The following GTF2I variants were observed in gnomAD, a reference collection of about 807,000 sequenced individuals.
GTF2I encodes the protein general transcription factor II-I.
A neutral mutation model predicts 67.6 loss-of-function variants in GTF2I; 12 were observed. The observed-to-expected ratio is 0.18, with a 90% CI of 0.11 to 0.29. The LOEUF (loss-of-function observed/expected upper bound fraction) is 0.29. Ranked by LOEUF, GTF2I falls within the 10% of genes least tolerant of loss-of-function variation. The pLI, the probability that GTF2I is intolerant of heterozygous loss-of-function variation, is 1.00. For synonymous variants in GTF2I, 149 were observed against 197.0 expected (o/e 0.76, Z 2.04); for missense variants, 271 against 580.1 (o/e 0.47, Z 5.47).
intron 10 of GTF2I, chr7:74,716,571 T>C (rs1792287511): frequency 4.2e-6 from 1 of 236,326 alleles, no homozygotes; most frequent in African/African-American, 2.3e-5. Context: ...ATGAGCATGG[T>C]ACTTGAAGCA....
Position 74,691,062 on chromosome 7 carries a change from T to G in GTF2I, c.189T>G (p.Arg63=). Residue 63 remains arginine, a synonymous_variant, in exon 3 of 35, where the codon CGT becomes CGG. Transcript: ENST00000573035. ...TTGTCGTCGGAACTGAAAGAGGACG[T>G]GCTTTTGTCAATACCAGAAAGGATT... is the stretch of plus-strand genomic sequence containing the variant. ...DVFVVGTERG[R]AFVNTRKDFQ... is the part of the protein sequence containing the mutation. The G allele has an allele frequency of 6.2e-7, 1 of 1,612,508 alleles. No homozygotes were observed. Among genetic ancestry groups the G allele is most frequent in the Non-Finnish European group, 8.5e-7 (1 of 1,178,702 alleles).
intron 1 of GTF2I, among the ~76,000 whole-genome samples, chr7:74,663,880 A>G (rs943497659): frequency 6.6e-6 from 1 of 152,052 alleles, no homozygotes; most frequent in Non-Finnish European, 1.5e-5. Flanking sequence ...CCCAGGCTGG[A>G]GTGCAGTGGC....
chr7:74,723,428 C>CT (rs58149301), intron 12 of GTF2I, among the ~76,000 whole-genome samples: 695 of 61,078 alleles, frequency 0.011, 28 homozygotes, highest in Non-Finnish European at 0.015. Context: ...CTCCCGGCCT[C>CT]TTTTTTTTTT....
In GTF2I at chr7:74,718,931, G is replaced by A. The variant is rs1308250628; in HGVS notation, c.933G>A (p.Val311=). The change falls in exon 12 of 35, where the codon GTG becomes GTA. Residue 311 remains valine (V), a synonymous_variant. Transcript: ENST00000573035. ...SETSEDPEVE[V]TIEDDDYSPP... ...CAAGTGAGGACCCTGAAGTTGAGGT[G>A]ACTATTGAAGGTTAGTTATCTAAAA... The A allele has an allele frequency of 1.3e-6, 2 of 1,549,220 alleles. No individual in the cohort carries two copies. Among genetic ancestry groups the A allele is most frequent in the Non-Finnish European group, 1.8e-6 (2 of 1,134,004 alleles).
At chr7:74,702,313 C>T (rs781445678) in intron 6 of GTF2I, among the ~76,000 whole-genome samples, 2 of 151,926 alleles carry the variant, frequency 1.3e-5, no homozygotes, top group Non-Finnish European at 2.9e-5. Context: ...CTGCAACCTC[C>T]GCCTCGTGGA....
intron 3 of GTF2I, among the ~76,000 whole-genome samples, chr7:74,696,472 G>A (rs587649369): frequency 2.6e-4 from 40 of 151,370 alleles, no homozygotes; most frequent in African/African-American, 7.3e-4. Context: ...GATTACAGGC[G>A]TGTGTCACTA....
intron 6 of GTF2I, among the ~76,000 whole-genome samples, chr7:74,700,963 C>T (rs1554399730): frequency 2.6e-5 from 4 of 152,194 alleles, no homozygotes; most frequent in African/African-American, 4.8e-5. Flanking sequence ...GGAGGGGATA[C>T]GCAGCTGTGT....
At chr7:74,686,347 A>T (rs1787724272) in intron 1 of GTF2I, among the ~76,000 whole-genome samples, 1 of 152,180 alleles carries the variant, frequency 6.6e-6, no homozygotes, top group African/African-American at 2.4e-5. Context: ...CTCCGGCCTC[A>T]TGATGACTTG....
chr7:74,691,455 C>G (rs1432234732), intron 3 of GTF2I, among the ~76,000 whole-genome samples: 9 of 152,206 alleles, frequency 5.9e-5, no homozygotes, highest in African/African-American at 2.2e-4. Flanking sequence ...ATCTGCCCAC[C>G]TTGGCCTCCC....
At chr7:74,705,113 T>G in intron 6 of GTF2I, 51 bp from the exon 7 acceptor site, 1 of 1,082,030 alleles carries the variant, frequency 9.2e-7, no homozygotes, top group Non-Finnish European at 1.4e-6. Context: ...TTAGACATAT[T>G]ATATTTGAAA....
intron 7 of GTF2I, 148 bp from the exon 8 acceptor site, chr7:74,706,242 A>G (rs1554401373): frequency 7.6e-6 from 5 of 655,452 alleles, no homozygotes; most frequent in Non-Finnish European, 1.4e-5. Context: ...TATGCAATAA[A>G]TAAATATGTC....
chr7:74,662,335 G>A (rs1372029252), intron 1 of GTF2I, among the ~76,000 whole-genome samples: 6 of 148,330 alleles, frequency 4.0e-5, no homozygotes, highest in Admixed American at 1.4e-4. Context: ...CTCAGCCTCC[G>A]GAGTAGCTGG....
chr7:74,702,044 A>G (rs1789850302), intron 6 of GTF2I, among the ~76,000 whole-genome samples: 1 of 152,174 alleles, frequency 6.6e-6, no homozygotes, highest in African/African-American at 2.4e-5. Flanking sequence ...TGTGACATGA[A>G]CATACTGTCT....
chr7:74,721,892 T>C (rs1793054116), intron 12 of GTF2I, among the ~76,000 whole-genome samples: 2 of 151,978 alleles, frequency 1.3e-5, no homozygotes, highest in African/African-American at 4.8e-5. Flanking sequence ...ACAAGGCAAC[T>C]TGAAAAGCAA....
At chr7:74,681,155 CT>C (rs1226760889) in intron 1 of GTF2I, among the ~76,000 whole-genome samples, 1 of 152,154 alleles carries the variant, frequency 6.6e-6, no homozygotes, top group Non-Finnish European at 1.5e-5. Flanking sequence ...AAATGGGAGG[CT>C]GGGCGCAGTG....
intron 9 of GTF2I, among the ~76,000 whole-genome samples, chr7:74,711,546 A>T (rs905025935): frequency 2.6e-5 from 4 of 152,198 alleles, no homozygotes; most frequent in Non-Finnish European, 5.9e-5. Flanking sequence ...CAAGATAATG[A>T]AATATCTATA....
chr7:74,671,062 C>T (rs1261599815), intron 1 of GTF2I, among the ~76,000 whole-genome samples: 2 of 149,122 alleles, frequency 1.3e-5, no homozygotes, highest in African/African-American at 4.9e-5. Context: ...ACTTGTGATC[C>T]ACTGATTGGG....
chr7:74,743,699 CGA>C lies in GTF2I; in HGVS notation c.1750+180_1750+181del. ...GAGATCGAGACCATCCTGGCGAACACGATGAAACCCCGTCTCTACTAAAAATA... is the reference window on the plus strand; with the variant it reads ...GAGATCGAGACCATCCTGGCGAACACTGAAACCCCGTCTCTACTAAAAATA... On this transcript the variant is annotated intron_variant, in intron 20 of 34. Transcript: ENST00000573035. The C allele has an allele frequency of 5.3e-6, 3 of 566,552 alleles. 1 individual carries two copies. Among genetic ancestry groups the C allele is most frequent in the Non-Finnish European group, 6.6e-6 (2 of 301,778 alleles). 35.1% of individuals were successfully genotyped at this position (566,552 alleles called of 1,614,324 possible). A position where few individuals can be genotyped will look rare whatever the true frequency, so the allele number is the denominator to read the frequency against.
chr7:74,690,903 T>A (rs1303575253), intron 2 of GTF2I, 70 bp from the exon 3 acceptor site: 2 of 1,424,682 alleles, frequency 1.4e-6, no homozygotes, highest in East Asian at 4.6e-5. Context: ...TTAGTTTTTT[T>A]AATTCATCGA....
Sources: allele counts gnomAD v4.1 joint callset (sites outside exome capture counted in the v4.1 genomes callset), GRCh38; gene constraint gnomAD v4.1.1; transcripts MANE v1.5; gene names NCBI Gene and HGNC (gene_info 2026-07-23, HGNC 2026-07-21).